The following SFSWAP variants were observed in gnomAD, a reference collection of about 807,000 sequenced individuals.
The protein encoded by SFSWAP is splicing factor SWAP, also known as splicing factor, suppressor of white-apricot homolog.
Under a neutral mutation model 100.7 loss-of-function variants are expected in SFSWAP, and 17 were observed. The observed-to-expected ratio is 0.17, with a 90% CI of 0.12 to 0.25. The LOEUF (loss-of-function observed/expected upper bound fraction) is 0.25. Among genes scored for constraint, SFSWAP ranks in the 10% least tolerant of loss-of-function variants. SFSWAP has a pLI of 1.00. For synonymous variants in SFSWAP, 504 were observed against 510.1 expected, an observed-to-expected ratio of 0.99 and a Z score of 0.16; for missense variants, 1,005 against 1,262.6, an observed-to-expected ratio of 0.80 and a Z score of 3.09.
At chr12:131,736,952 T>C (rs987335368) in intron 7 of SFSWAP, among the ~76,000 whole-genome samples, 17 of 152,086 alleles carry the variant, frequency 1.1e-4, no homozygotes, top group African/African-American at 4.1e-4. Context: ...GGGCAGTCTA[T>C]CAGTCTAAAA....
intron 7 of SFSWAP, among the ~76,000 whole-genome samples, chr12:131,742,290 AC>A (rs1880716415): frequency 1.3e-5 from 2 of 152,062 alleles, no homozygotes; most frequent in South Asian, 4.2e-4. Flanking sequence ...TGCTCTCTTT[AC>A]CCACAACTCT....
chr12:131,770,370 G>T (rs927069692), intron 13 of SFSWAP, among the ~76,000 whole-genome samples: 1 of 152,210 alleles, frequency 6.6e-6, no homozygotes, highest in Non-Finnish European at 1.5e-5. Flanking sequence ...TGTCGGGGCC[G>T]TGGCTAGCTC....
chr12:131,764,420 G>A (rs759831844), intron 11 of SFSWAP, 36 bp from the exon 12 acceptor site: 1 of 1,564,452 alleles, frequency 6.4e-7, no homozygotes. Context: ...TTTCCACTCT[G>A]TAACATGTAT....
chr12:131,739,802 C>T lies in SFSWAP; in HGVS notation c.1081+11374C>T, dbSNP rs190525925. Among the ~76,000 whole-genome samples, 239 of 152,230 alleles carry T rather than the reference C, an allele frequency of 1.6e-3. 2 individuals are homozygous for T. The highest frequency in any genetic ancestry group is 5.5e-3 in the African/African-American group (229 of 41,534). ...TCGTGATTCACCTGCCTTGGCCTCCCAAAGTGCTGGGATTACAGGCATGAG... is the reference window on the plus strand; with the variant it reads ...TCGTGATTCACCTGCCTTGGCCTCCTAAAGTGCTGGGATTACAGGCATGAG... On this transcript the variant is annotated intron_variant, in intron 7 of 17. Transcript: ENST00000261674.
At chr12:131,797,457 G>A (rs552465226) in intron 16 of SFSWAP, 97 bp downstream of exon 16, 32 of 1,156,898 alleles carry the variant, frequency 2.8e-5, no homozygotes, top group Non-Finnish European at 3.5e-5. Context: ...GTCAGTACTC[G>A]CCTGTGTCCA....
chr12:131,796,987 G>T, intron 15 of SFSWAP, 191 bp from the exon 16 acceptor site: 1 of 549,296 alleles, frequency 1.8e-6, no homozygotes, highest in Non-Finnish European at 3.2e-6. Context: ...TCCTAAATGG[G>T]GACGCGTCAT....
At chr12:131,747,068 C>A (rs1593142208) in intron 7 of SFSWAP, among the ~76,000 whole-genome samples, 1 of 147,636 alleles carries the variant, frequency 6.8e-6, no homozygotes, top group East Asian at 1.9e-4. Flanking sequence ...CGCACCACTG[C>A]ACTCCAGCCT....
At chr12:131,723,625 G>A (rs928921666) in intron 4 of SFSWAP, among the ~76,000 whole-genome samples, 1 of 152,090 alleles carries the variant, frequency 6.6e-6, no homozygotes, top group Non-Finnish European at 1.5e-5. Flanking sequence ...GGGGTTCCTT[G>A]CTAATTTCCC....
chr12:131,750,496 C>G (rs1010913069), intron 7 of SFSWAP, among the ~76,000 whole-genome samples: 1 of 151,850 alleles, frequency 6.6e-6, no homozygotes, highest in African/African-American at 2.4e-5. Flanking sequence ...ACAGAGGCTG[C>G]GCGTGTCTCG....
In SFSWAP at chr12:131,755,478, A is replaced by G. The variant is rs1251268823; in HGVS notation, c.1547A>G (p.Gln516Arg). Residue 516 changes from glutamine to arginine, a missense_variant and splice_region_variant, in exon 10 of 18, where the codon CAG (glutamine) becomes CGG (arginine). Coordinates refer to ENST00000261674, the MANE Select transcript of SFSWAP (RefSeq NM_004592.4). ...FLQKEGGDSM[Q>R]AVSAPEEAPT... ...CAGAAAGAAGGGGGCGATAGCATGCAGGTACGTGTCTGAATGCAGGGAGGC... is the reference window on the plus strand; with the variant it reads ...CAGAAAGAAGGGGGCGATAGCATGCGGGTACGTGTCTGAATGCAGGGAGGC... 1 of 1,609,830 alleles carries G rather than the reference A, an allele frequency of 6.2e-7. No homozygotes were observed. Among genetic ancestry groups the G allele is most frequent in the Admixed American group, 1.7e-5 (1 of 59,998 alleles).
intron 14 of SFSWAP, among the ~76,000 whole-genome samples, chr12:131,781,552 T>C (rs1249886731): frequency 1.3e-5 from 2 of 152,216 alleles, no homozygotes; most frequent in Non-Finnish European, 2.9e-5. Flanking sequence ...TATTTTTATA[T>C]ATTCACTGCT....
At chr12:131,748,496 C>T (rs1881338831) in intron 7 of SFSWAP, among the ~76,000 whole-genome samples, 1 of 152,184 alleles carries the variant, frequency 6.6e-6, no homozygotes, top group Non-Finnish European at 1.5e-5. Flanking sequence ...TTCATCCTCC[C>T]TGACTTAGCT....
At chr12:131,785,139 A>G (rs1593187763) in intron 14 of SFSWAP, 4 of 1,535,724 alleles carry the variant, frequency 2.6e-6, no homozygotes, top group Non-Finnish European at 3.5e-6. Flanking sequence ...TGACAGCGGC[A>G]GCCGAGCCAG....
chr12:131,766,989 C>G (rs968942728), intron 13 of SFSWAP, among the ~76,000 whole-genome samples: 3 of 151,174 alleles, frequency 2.0e-5, no homozygotes, highest in Non-Finnish European at 4.4e-5. Flanking sequence ...TAGACACTGG[C>G]TCCTGTGCCA....
At chr12:131,749,494 G>A (rs917612814) in intron 7 of SFSWAP, among the ~76,000 whole-genome samples, 2 of 152,186 alleles carry the variant, frequency 1.3e-5, no homozygotes, top group Non-Finnish European at 2.9e-5. Context: ...TAGTGTTCAC[G>A]AGAATTGCTG....
chr12:131,767,695 C>T (rs1010615024), intron 13 of SFSWAP, among the ~76,000 whole-genome samples: 1 of 152,092 alleles, frequency 6.6e-6, no homozygotes, highest in East Asian at 1.9e-4. Context: ...CTTTCTCAAC[C>T]TAATCTCTCT....
chr12:131,771,309 CCT>C (rs1423437524), intron 13 of SFSWAP, among the ~76,000 whole-genome samples: 1 of 152,142 alleles, frequency 6.6e-6, no homozygotes, highest in Admixed American at 6.5e-5. Context: ...TAAATCACCC[CCT>C]CTGTGTGTGC....
intron 14 of SFSWAP, among the ~76,000 whole-genome samples, chr12:131,782,133 T>C (rs1267965794): frequency 1.3e-5 from 2 of 152,186 alleles, no homozygotes; most frequent in African/African-American, 4.8e-5. Flanking sequence ...ATCAACATAT[T>C]CTCTATGACA....
At chr12:131,754,324 C>CGA in intron 8 of SFSWAP, 44 bp from the exon 9 acceptor site, 2 of 1,454,506 alleles carry the variant, frequency 1.4e-6, no homozygotes, top group Non-Finnish European at 1.8e-6. Context: ...CTGAGCTTGG[C>CGA]GAGCCCCTGA....
Sources: gnomAD v4.1 joint callset for allele counts (sites outside exome capture counted in the v4.1 genomes callset) on GRCh38, gnomAD v4.1.1 for gene constraint, MANE v1.5 for transcripts, NCBI Gene and HGNC (gene_info 2026-07-23, HGNC 2026-07-21) for gene names.